The following TRPM3 variants were observed in gnomAD, a reference collection of about 807,000 sequenced individuals.
TRPM3 encodes transient receptor potential cation channel subfamily M member 3, also known as long transient receptor potential channel 3.
A neutral mutation model predicts 181.2 loss-of-function variants in TRPM3; 77 were observed. That is an observed-to-expected ratio of 0.42 (90% CI 0.35 to 0.51). The LOEUF is 0.51. TRPM3 is among the 20% of genes least tolerant of loss of function. The pLI, the probability that TRPM3 is intolerant of heterozygous loss-of-function variation, is 0.01. For synonymous variants in TRPM3, 745 were observed against 796.4 expected (o/e 0.94, Z 1.09); for missense variants, 1,759 against 2,196.7 (o/e 0.80, Z 3.98).
At chr9:71,402,352 A>G (rs539200206) in intron 1 of TRPM3, among the ~76,000 whole-genome samples, 1 of 152,302 alleles carries the variant, frequency 6.6e-6, no homozygotes, top group African/African-American at 2.4e-5. Context: ...ATCATTTTCT[A>G]TCACGTGGTT....
intron 1 of TRPM3, among the ~76,000 whole-genome samples, chr9:71,021,811 GGAA>G (rs1283001582): frequency 2.0e-5 from 3 of 152,092 alleles, no homozygotes; most frequent in Non-Finnish European, 4.4e-5. Context: ...CAGAGGGGAA[GGAA>G]GAAGAAGGAA....
chr9:71,386,118 G>A (rs938361351), intron 1 of TRPM3, among the ~76,000 whole-genome samples: 6 of 152,044 alleles, frequency 3.9e-5, no homozygotes, highest in South Asian at 2.1e-4. Flanking sequence ...TAGCTCAGTC[G>A]ACAGAAAGAG....
intron 1 of TRPM3, among the ~76,000 whole-genome samples, chr9:70,891,486 ATGTGG>A (rs1239332522): frequency 6.6e-6 from 1 of 152,216 alleles, no homozygotes; most frequent in Non-Finnish European, 1.5e-5. Flanking sequence ...GAAAGCAGAT[ATGTGG>A]GGTGAGAAGT....
At chr9:70,752,214 G>A (rs958362843) in intron 8 of TRPM3, among the ~76,000 whole-genome samples, 3 of 152,148 alleles carry the variant, frequency 2.0e-5, no homozygotes, top group Non-Finnish European at 4.4e-5. Flanking sequence ...ACACTGATTA[G>A]AAAAATAGGG....
intron 1 of TRPM3, among the ~76,000 whole-genome samples, chr9:71,298,008 G>C (rs981945427): frequency 6.6e-6 from 1 of 151,836 alleles, no homozygotes; most frequent in African/African-American, 2.4e-5. Context: ...GCATCAAAAT[G>C]TTTACAGTTG....
intron 1 of TRPM3, among the ~76,000 whole-genome samples, chr9:71,290,500 T>C (rs1326649241): frequency 6.6e-6 from 1 of 151,988 alleles, no homozygotes; most frequent in African/African-American, 2.4e-5. Context: ...AAAGATATTT[T>C]CAGACCAACA....
At chr9:71,059,853 A>G (rs1418276264) in intron 1 of TRPM3, among the ~76,000 whole-genome samples, 2 of 152,042 alleles carry the variant, frequency 1.3e-5, no homozygotes, top group South Asian at 4.1e-4. Context: ...ACACACACAC[A>G]TACACCCTAT....
chr9:71,077,847 C>T (rs1400281089), intron 1 of TRPM3, among the ~76,000 whole-genome samples: 4 of 151,354 alleles, frequency 2.6e-5, no homozygotes, highest in Non-Finnish European at 4.4e-5. Context: ...AAATCAGTTT[C>T]CTTTATACTT....
chr9:71,251,292 A>T (rs1224234910), intron 1 of TRPM3, among the ~76,000 whole-genome samples: 1 of 152,154 alleles, frequency 6.6e-6, no homozygotes, highest in East Asian at 1.9e-4. Context: ...TTCACCAGTT[A>T]TAATTCTTCA....
intron 6 of TRPM3, among the ~76,000 whole-genome samples, chr9:70,803,958 C>G (rs2090003943): frequency 6.6e-6 from 1 of 152,128 alleles, no homozygotes; most frequent in African/African-American, 2.4e-5. Context: ...GTCTTACTCC[C>G]CATCAATTTA....
At chr9:70,661,760 C>T (rs2133936532) in intron 9 of TRPM3, among the ~76,000 whole-genome samples, 1 of 152,080 alleles carries the variant, frequency 6.6e-6, no homozygotes, top group African/African-American at 2.4e-5. Context: ...CAAAACACTG[C>T]TGAAAGAAAG....
intron 1 of TRPM3, among the ~76,000 whole-genome samples, chr9:71,433,962 C>A (rs1390004314): frequency 6.6e-6 from 1 of 152,122 alleles, no homozygotes; most frequent in Non-Finnish European, 1.5e-5. Context: ...TCAAGGCCAG[C>A]CTGGCCAACA....
intron 1 of TRPM3, among the ~76,000 whole-genome samples, chr9:71,052,943 A>G (rs930843210): frequency 2.6e-5 from 4 of 152,068 alleles, no homozygotes; most frequent in Non-Finnish European, 5.9e-5. Context: ...TGGCAAATAA[A>G]ATATTATACT....
At chr9:70,761,270 C>T (rs189138125) in intron 8 of TRPM3, 22 of 596,590 alleles carry the variant, frequency 3.7e-5, no homozygotes, top group Admixed American at 1.2e-4. Flanking sequence ...AAATGAAATC[C>T]GAAACCTAAG....
chr9:71,406,387 A>G (rs2093436585), intron 1 of TRPM3, among the ~76,000 whole-genome samples: 1 of 152,230 alleles, frequency 6.6e-6, no homozygotes, highest in South Asian at 2.1e-4. Flanking sequence ...ACAGAAAGCT[A>G]TGTTAGGAAG....
intron 1 of TRPM3, among the ~76,000 whole-genome samples, chr9:71,212,411 G>T (rs757690662): frequency 2.0e-5 from 3 of 152,070 alleles, no homozygotes; most frequent in Non-Finnish European, 4.4e-5. Flanking sequence ...AAGAATCAGT[G>T]TATTATTGGT....
intron 1 of TRPM3, among the ~76,000 whole-genome samples, chr9:71,237,905 T>A (rs913501927): frequency 1.3e-5 from 2 of 152,192 alleles, no homozygotes; most frequent in Admixed American, 1.3e-4. Context: ...AGGGCCTTAA[T>A]CCTGTTAATT....
intron 1 of TRPM3, among the ~76,000 whole-genome samples, chr9:71,032,033 AAT>A (rs1205892394): frequency 0.042 from 42 of 1,002 alleles, 1 homozygote; most frequent in African/African-American, 0.15. Flanking sequence ...ATATAATATA[AAT>A]ATATATATAT....
intron 3 of TRPM3, among the ~76,000 whole-genome samples, chr9:70,850,180 A>G (rs1234166508): frequency 6.6e-6 from 1 of 152,162 alleles, no homozygotes; most frequent in Non-Finnish European, 1.5e-5. Flanking sequence ...TAGAGTTTAC[A>G]ATATGAAAAA....
Sources: gnomAD v4.1 joint callset for allele counts (sites outside exome capture counted in the v4.1 genomes callset) on GRCh38, gnomAD v4.1.1 for gene constraint, MANE v1.5 for transcripts, NCBI Gene and HGNC (gene_info 2026-07-23, HGNC 2026-07-21) for gene names.